The following HOXB9 variants were observed in gnomAD, a reference collection of about 807,000 sequenced individuals.
The protein encoded by HOXB9 is homeobox B9.
HOXB9 carries 10 observed loss-of-function variants against 21.5 expected under a neutral mutation model. The ratio of observed to expected loss-of-function variants is 0.47; its 90% confidence interval spans 0.29 to 0.79. The LOEUF is 0.79. Among genes scored for constraint, HOXB9 ranks in the 30% least tolerant of loss-of-function variants. The pLI, the probability that HOXB9 is intolerant of heterozygous loss-of-function variation, is 0.10. For synonymous variants in HOXB9, 156 were observed against 151.2 expected (o/e 1.03, Z -0.23); for missense variants, 375 against 338.7 (o/e 1.11, Z -0.84).
In HOXB9 at chr17:48,622,524, T is replaced by C; in HGVS notation, c.*376A>G. 4.6e-6 allele frequency: 1 copy of C among 217,172 alleles called. No homozygotes were observed. The highest frequency in any genetic ancestry group is 9.2e-6 in the Non-Finnish European group (1 of 108,574). 13.5% of individuals were successfully genotyped at this position (217,172 alleles called of 1,614,324 possible). On this transcript the variant is annotated 3_prime_UTR_variant, in exon 2 of 2. Coordinates refer to ENST00000311177, the MANE Select transcript of HOXB9 (RefSeq NM_024017.5). Reference sequence around the variant, plus strand: ...GAGCTGTGTAGAGTTGGAGTGTCCCTGGGTGACTTTTGGGTGGGTGTAGAG... The same window carrying C: ...GAGCTGTGTAGAGTTGGAGTGTCCCCGGGTGACTTTTGGGTGGGTGTAGAG...
rs545401023 is a variant in HOXB9 at position 48,622,630 on chromosome 17, C to G, written c.*270G>C. 2 of 374,686 alleles carry G rather than the reference C, an allele frequency of 5.3e-6. No individual in the cohort carries two copies. Among genetic ancestry groups the G allele is most frequent in the African/African-American group, 2.1e-5 (1 of 48,298 alleles). 23.2% of individuals were successfully genotyped at this position (374,686 alleles called of 1,614,324 possible). On this transcript the variant is annotated 3_prime_UTR_variant, in exon 2 of 2. Coordinates refer to ENST00000311177, the MANE Select transcript of HOXB9 (RefSeq NM_024017.5). ...CATACTAGGAGCTTGACTGGGGTCTCTCTTTCCTTGTGGCCCATCACATTC... is the reference window on the plus strand; with the variant it reads ...CATACTAGGAGCTTGACTGGGGTCTGTCTTTCCTTGTGGCCCATCACATTC...
rs771086592 is a variant in HOXB9, at chr17:48,626,243, G to T, written c.27C>A (p.Ser9Arg). 1.3e-6 allele frequency: 2 copies of T among 1,594,998 alleles called. No homozygotes were observed. Among genetic ancestry groups the T allele is most frequent in the South Asian group, 2.2e-5 (2 of 90,972 alleles). ...GACTTATGATCGAGTCGACATAATAGCTGCTAAGCGTCCCAGAAATGGACA... is the reference window on the plus strand; with the variant it reads ...GACTTATGATCGAGTCGACATAATATCTGCTAAGCGTCCCAGAAATGGACA... MSISGTLS[S>R]YYVDSIISHE... Residue 9 changes from serine (S) to arginine (R), a missense_variant, in exon 1 of 2, where the codon AGC becomes AGA. Transcript: ENST00000311177.
chr17:48,626,112 T>G lies in HOXB9; in HGVS notation c.158A>C (p.Gln53Pro). ...GGCGCCGAACACCGGCGCTTTGGGC[T>G]GGAAGCTGCACGAGGGGAACTCCAG... ...EHLEFPSCSF[Q>P]PKAPVFGASW... Residue 53 changes from glutamine (Q) to proline (P), a missense_variant, in exon 1 of 2, where the codon CAG becomes CCG. Transcript: ENST00000311177. The G allele has an allele frequency of 6.3e-7, 1 of 1,583,174 alleles. No homozygotes were observed. The highest frequency in any genetic ancestry group is 8.5e-7 in the Non-Finnish European group (1 of 1,171,280).
chr17:48,621,448 G>C lies in HOXB9; in HGVS notation c.*1452C>G, dbSNP rs1170202320. 6.6e-6 allele frequency: 1 copy of C among 152,494 alleles called. No homozygotes were observed. The highest frequency in any genetic ancestry group is 2.4e-5 in the African/African-American group (1 of 41,452). The allele number at this position is 152,494 out of a possible 1,614,324, so 9.4% of individuals were successfully genotyped here. A position where few individuals can be genotyped will look rare whatever the true frequency, so the allele number is the denominator to read the frequency against. On this transcript the variant is annotated 3_prime_UTR_variant, in exon 2 of 2. Coordinates refer to ENST00000311177, the MANE Select transcript of HOXB9 (RefSeq NM_024017.5). Reference sequence around the variant, plus strand: ...AAGGGGACTGAGAAGTAGGGGAGCAGGGGGAGGAACGGAAGCAGAGAGTAA... The same window carrying C: ...AAGGGGACTGAGAAGTAGGGGAGCACGGGGAGGAACGGAAGCAGAGAGTAA...
chr17:48,625,054 AG>A (rs2070800401), intron 1 of HOXB9, among the ~76,000 whole-genome samples: 1 of 152,220 alleles, frequency 6.6e-6, no homozygotes, highest in African/African-American at 2.4e-5. Flanking sequence ...AGCCCCTGCG[AG>A]GACGCCGAGG....
rs1281673637 is a variant in HOXB9, at chr17:48,622,038, C to T, written c.*862G>A. 6.6e-6 allele frequency: 1 copy of T among 152,244 alleles called. No individual in the cohort carries two copies. Among genetic ancestry groups the T allele is most frequent in the Non-Finnish European group, 1.5e-5 (1 of 68,054 alleles). The allele number at this position is 152,244 out of a possible 1,614,324, so 9.4% of individuals were successfully genotyped here. On this transcript the variant is annotated 3_prime_UTR_variant, in exon 2 of 2. Coordinates refer to ENST00000311177, the MANE Select transcript of HOXB9 (RefSeq NM_024017.5). ...GGACAACATTGTCAAGGCTCTACGA[C>T]CCACAGTTTGACCTTCTTTTGTTGG...
chr17:48,626,100 G>A lies in HOXB9; in HGVS notation c.170C>T (p.Pro57Leu), dbSNP rs777260214. ...CGGCGCCCAGGAGGCGCCGAACACC[G>A]GCGCTTTGGGCTGGAAGCTGCACGA... ...FPSCSFQPKAPVFGASWAPLS... is the reference protein window; with the variant it reads ...FPSCSFQPKALVFGASWAPLS... The change falls in exon 1 of 2, where the codon CCG becomes CTG. Residue 57 changes from proline (P) to leucine (L), a missense_variant. Physicochemically the swap from Pro to Leu is moderately conservative, Grantham distance 98 (BLOSUM62 -3). Coordinates refer to ENST00000311177, the MANE Select transcript of HOXB9 (RefSeq NM_024017.5). 1.3e-6 allele frequency: 2 copies of A among 1,578,838 alleles called. No homozygotes were observed. Among genetic ancestry groups the A allele is most frequent in the South Asian group, 1.1e-5 (1 of 87,926 alleles).
In HOXB9 at chr17:48,625,728, T is replaced by C. The variant is rs200252541; in HGVS notation, c.517+25A>G. On this transcript the variant is annotated intron_variant, in intron 1 of 1. Coordinates refer to ENST00000311177, the MANE Select transcript of HOXB9 (RefSeq NM_024017.5). ...CCCCCCTCCTGGCCTTCGGCCTGGGTATTTCCTCACTTTTTATAACTTACT... is the reference window on the plus strand; with the variant it reads ...CCCCCCTCCTGGCCTTCGGCCTGGGCATTTCCTCACTTTTTATAACTTACT... The C allele has an allele frequency of 1.5e-4, 218 of 1,481,662 alleles. 1 individual carries two copies. Among genetic ancestry groups the C allele is most frequent in the Non-Finnish European group, 5.4e-5 (60 of 1,112,012 alleles). The allele number at this position is 1,481,662 out of a possible 1,614,324, so 91.8% of individuals were successfully genotyped here. A position where few individuals can be genotyped will look rare whatever the true frequency, so the allele number is the denominator to read the frequency against.
In HOXB9 at chr17:48,626,024, G is replaced by C. The variant is rs56409817; in HGVS notation, c.246C>G (p.Ile82Met). 2.2e-3 allele frequency: 3,522 copies of C among 1,576,240 alleles called. 7 individuals carry two copies. Among genetic ancestry groups the C allele is most frequent in the Non-Finnish European group, 2.6e-3 (3,051 of 1,168,362 alleles). Residue 82 changes from isoleucine to methionine, a missense_variant, in exon 1 of 2, where the codon ATC (isoleucine) becomes ATG (methionine). By Grantham distance (10) the Ile-to-Met change is conservative. Coordinates refer to ENST00000311177, the MANE Select transcript of HOXB9 (RefSeq NM_024017.5). Reference sequence around the variant, plus strand: ...CGGCCGGCGGGACGCCCTGGGGCTGGATGTAAGGGTGGTAGACGGACGGCA... The same window carrying C: ...CGGCCGGCGGGACGCCCTGGGGCTGCATGTAAGGGTGGTAGACGGACGGCA... ...GSLPSVYHPY[I>M]QPQGVPPAES... is the part of the protein sequence containing the mutation.
chr17:48,624,080 A>C (rs1176767332), intron 1 of HOXB9, among the ~76,000 whole-genome samples: 1 of 152,138 alleles, frequency 6.6e-6, no homozygotes, highest in East Asian at 1.9e-4. Flanking sequence ...GAAGAGAGGA[A>C]ACAAAAATAT....
chr17:48,622,915 C>G lies in HOXB9; in HGVS notation c.738G>C (p.Glu246Asp), dbSNP rs756903374. The change falls in exon 2 of 2, where the codon GAG (glutamate) becomes GAC (aspartate). Residue 246 changes from glutamate to aspartate, a missense_variant. Coordinates refer to ENST00000311177, the MANE Select transcript of HOXB9 (RefSeq NM_024017.5). ...TCTTTAATCTTTACTCTTTGCCCTGCTCCTTATTCATTTTCTTCATTTTCA... is the reference window on the plus strand; with the variant it reads ...TCTTTAATCTTTACTCTTTGCCCTGGTCCTTATTCATTTTCTTCATTTTCA... ...RRMKMKKMNKEQGKE is the reference protein window; with the variant it reads ...RRMKMKKMNKDQGKE The G allele has an allele frequency of 3.1e-6, 5 of 1,613,314 alleles. No individual in the cohort carries two copies. Among genetic ancestry groups the G allele is most frequent in the Non-Finnish European group, 3.4e-6 (4 of 1,179,374 alleles).
intron 1 of HOXB9, among the ~76,000 whole-genome samples, chr17:48,624,592 C>A (rs12938558): frequency 0.48 from 72,404 of 151,774 alleles, 19,460 homozygotes; most frequent in Non-Finnish European, 0.6. Flanking sequence ...GGCCCTGGGG[C>A]CACTCCGTCA....
chr17:48,623,121 TGGC>T lies in HOXB9; in HGVS notation c.529_531del (p.Ala177del). 1.2e-6 allele frequency: 2 copies of T among 1,613,262 alleles called. No individual in the cohort carries two copies. The highest frequency in any genetic ancestry group is 1.7e-6 in the Non-Finnish European group (2 of 1,179,762). On this transcript the variant is annotated inframe_deletion, in exon 2 of 2. Coordinates refer to ENST00000311177, the MANE Select transcript of HOXB9 (RefSeq NM_024017.5). ...CGGGAAGAGCGAGCGTGCAGCCAGTTGGCGGAGGGGTTGGCTGAAAGAGAAGCA... is the reference window on the plus strand; with the variant it reads ...CGGGAAGAGCGAGCGTGCAGCCAGTTGGAGGGGTTGGCTGAAAGAGAAGCA...
At chr17:48,625,538 G>C (rs182073267) in intron 1 of HOXB9, among the ~76,000 whole-genome samples, 394 of 152,346 alleles carry the variant, frequency 2.6e-3, no homozygotes, top group African/African-American at 8.6e-3. Context: ...TTGGAGAAGT[G>C]GGGGCAGCGC....
At chr17:48,623,479 C>A (rs2070787462) in intron 1 of HOXB9, among the ~76,000 whole-genome samples, 1 of 152,226 alleles carries the variant, frequency 6.6e-6, no homozygotes, top group Non-Finnish European at 1.5e-5. Context: ...CAGCAGCACT[C>A]CCAGGCTGAC....
At chr17:48,623,951 C>A (rs1484959283) in intron 1 of HOXB9, among the ~76,000 whole-genome samples, 1 of 152,192 alleles carries the variant, frequency 6.6e-6, no homozygotes, top group Admixed American at 6.5e-5. Flanking sequence ...AATAAAATTG[C>A]TCCAGTCCCA....
In HOXB9 at chr17:48,626,325, C is replaced by T; in HGVS notation, c.-56G>A. ...GAAGGGAAGCGCTCGCGCGGCGGCG[C>T]CCAAGCAGGGAGAGGTGGCACCCGG... On this transcript the variant is annotated 5_prime_UTR_variant, in exon 1 of 2. Coordinates refer to ENST00000311177, the MANE Select transcript of HOXB9 (RefSeq NM_024017.5). 3 of 1,527,276 alleles carry T rather than the reference C, an allele frequency of 2.0e-6. No individual in the cohort carries two copies. The highest frequency in any genetic ancestry group is 2.6e-6 in the Non-Finnish European group (3 of 1,142,134). The allele number at this position is 1,527,276 out of a possible 1,614,324, so 94.6% of individuals were successfully genotyped here. A position where few individuals can be genotyped will look rare whatever the true frequency, so the allele number is the denominator to read the frequency against.
At chr17:48,624,009 G>T (rs1315846549) in intron 1 of HOXB9, among the ~76,000 whole-genome samples, 1 of 152,192 alleles carries the variant, frequency 6.6e-6, no homozygotes, top group East Asian at 1.9e-4. Context: ...GCCCTTCACA[G>T]CACACCTAGC....
At position 48,626,076 on chromosome 17, in the gene HOXB9, G is replaced by A. The variant is rs754737633; in HGVS notation, c.194C>T (p.Pro65Leu). Residue 65 changes from proline (P) to leucine (L), a missense_variant, in exon 1 of 2, where the codon CCG becomes CTG. Transcript: ENST00000311177. ...KAPVFGASWA[P>L]LSPHASGSLP... is the part of the protein sequence containing the mutation. ...GCTCCCGGACGCGTGCGGGCTCAGC[G>A]GCGCCCAGGAGGCGCCGAACACCGG... The A allele has an allele frequency of 6.3e-7, 1 of 1,577,328 alleles. No homozygotes were observed. Among genetic ancestry groups the A allele is most frequent in the Non-Finnish European group, 8.6e-7 (1 of 1,168,638 alleles).
Sources: allele counts gnomAD v4.1 joint callset (sites outside exome capture counted in the v4.1 genomes callset), GRCh38; gene constraint gnomAD v4.1.1; transcripts MANE v1.5; gene names NCBI Gene and HGNC (gene_info 2026-07-23, HGNC 2026-07-21).